The following FRMD8 variants were observed in gnomAD, a reference collection of about 807,000 sequenced individuals.
FRMD8 encodes the protein FERM domain containing 8, also known as FERM domain-containing protein 8.
Under a neutral mutation model 54.2 loss-of-function variants are expected in FRMD8, and 37 were observed. The observed-to-expected ratio is 0.68, with a 90% CI of 0.53 to 0.90. The LOEUF (loss-of-function observed/expected upper bound fraction) is 0.90, where lower values mean the gene tolerates loss of function less well. Among genes scored for constraint, FRMD8 ranks in the 40% least tolerant of loss-of-function variants. The pLI, the probability that FRMD8 is intolerant of heterozygous loss-of-function variation, is 0.00. For synonymous variants in FRMD8, 246 were observed against 286.9 expected (o/e 0.86, Z 1.44); for missense variants, 585 against 653.7 (o/e 0.89, Z 1.15).
At chr11:65,379,059 T>G in the FRMD8 span, 1 of 348,678 alleles carries the variant, frequency 2.9e-6, no homozygotes, top group Non-Finnish European at 5.3e-6. Context: ...CCTTGGGGAG[T>G]GGGCTCCCCA....
At chr11:65,397,906 C>T (rs1456079738) in intron 7 of FRMD8, among the ~76,000 whole-genome samples, 3 of 142,158 alleles carry the variant, frequency 2.1e-5, no homozygotes, top group Admixed American at 7.3e-5. Flanking sequence ...GATGGAGTAT[C>T]GCTCTTGTTG....
intron 10 of FRMD8, among the ~76,000 whole-genome samples, chr11:65,405,269 A>C (rs562312228): frequency 6.6e-6 from 1 of 152,358 alleles, no homozygotes; most frequent in South Asian, 2.1e-4. Flanking sequence ...GCTGCGTCAC[A>C]GACGTTCTGC....
chr11:65,386,114 T>C (rs1855725935), upstream of FRMD8, among the ~76,000 whole-genome samples: 1 of 152,174 alleles, frequency 6.6e-6, no homozygotes, highest in Admixed American at 6.5e-5. Context: ...CATATATTAA[T>C]AATCATTTAG....
chr11:65,377,373 T>G, the FRMD8 span: 3 of 1,249,644 alleles, frequency 2.4e-6, no homozygotes, highest in Non-Finnish European at 2.0e-6. Context: ...TGGATTCTTT[T>G]TGCAGGAGCA....
chr11:65,393,434 G>A (rs1855880787), intron 3 of FRMD8, 139 bp from the exon 4 acceptor site: 1 of 636,796 alleles, frequency 1.6e-6, no homozygotes, highest in Non-Finnish European at 2.8e-6. Context: ...TTATTGCAGA[G>A]TAAATGGCTC....
chr11:65,402,039 G>T (rs1317311892), intron 9 of FRMD8, among the ~76,000 whole-genome samples: 1 of 151,944 alleles, frequency 6.6e-6, no homozygotes, highest in Non-Finnish European at 1.5e-5. Flanking sequence ...AATTGTTTCG[G>T]TGTCGTTTGT....
chr11:65,384,347 G>C (rs1428392518), upstream of FRMD8, among the ~76,000 whole-genome samples: 1 of 151,920 alleles, frequency 6.6e-6, no homozygotes, highest in African/African-American at 2.4e-5. Context: ...CCCACTACCT[G>C]GAATGCCTTT....
At chr11:65,380,748 G>A in the FRMD8 span, 7 of 427,310 alleles carry the variant, frequency 1.6e-5, no homozygotes, top group Middle Eastern at 7.5e-4. Context: ...GGGGGAGGTC[G>A]CACCCCCAGG....
the FRMD8 span, among the ~76,000 whole-genome samples, chr11:65,370,780 C>T: frequency 6.6e-6 from 1 of 151,222 alleles, no homozygotes; most frequent in African/African-American, 2.4e-5. Flanking sequence ...AAGAGGGAGT[C>T]GAGGCCAGAT....
At chr11:65,405,123 C>G in intron 10 of FRMD8, 55 bp downstream of exon 10, 2 of 1,540,674 alleles carry the variant, frequency 1.3e-6, no homozygotes, top group South Asian at 1.1e-5. Flanking sequence ...CGTGCACACA[C>G]CGGGGGGAGT....
chr11:65,396,971 AC>A lies in FRMD8; in HGVS notation c.757del (p.His253ThrfsTer108). 1 of 1,502,822 alleles carries A rather than the reference AC, an allele frequency of 6.7e-7. No individual in the cohort carries two copies. The highest frequency in any genetic ancestry group is 8.9e-7 in the Non-Finnish European group (1 of 1,122,484). 93.1% of individuals were successfully genotyped at this position (1,502,822 alleles called of 1,614,324 possible). A position where few individuals can be genotyped will look rare whatever the true frequency, so the allele number is the denominator to read the frequency against. ...SDGGCEAALG[T>X]HYRAYLLKCH... ...CGGCGGGTGCGAGGCCGCCCTGGGCACCCACTACCGCGCCTATCTCCTCAAG... is the reference window on the plus strand; with the variant it reads ...CGGCGGGTGCGAGGCCGCCCTGGGCACCACTACCGCGCCTATCTCCTCAAG... On this transcript the variant is annotated frameshift_variant, in exon 7 of 11. Coordinates refer to ENST00000317568, the MANE Select transcript of FRMD8 (RefSeq NM_031904.5). LOFTEE classifies it high-confidence loss of function.
the FRMD8 span, among the ~76,000 whole-genome samples, chr11:65,372,931 G>A: frequency 7.2e-5 from 11 of 152,272 alleles, 1 homozygote; most frequent in African/African-American, 2.6e-4. Flanking sequence ...TGCTGGATGG[G>A]CTCAGAGATG....
In FRMD8 at chr11:65,400,873, G is replaced by A. The variant is rs1179567142; in HGVS notation, c.1071+6G>A. 9 of 1,596,206 alleles carry A rather than the reference G, an allele frequency of 5.6e-6. No individual in the cohort carries two copies. Among genetic ancestry groups the A allele is most frequent in the South Asian group, 1.1e-5 (1 of 88,092 alleles). ...TCAAGATCTACTCCAAGCAGGTAGC[G>A]CGGGTGGTGCCTGCACACGGGTGGG... On this transcript the variant is annotated splice_donor_region_variant and intron_variant, in intron 9 of 10. Transcript: ENST00000317568. The surrounding 1 kb of genome is among the most constrained non-coding windows in gnomAD (Gnocchi z 4.3).
chr11:65,401,578 G>A (rs1316807336), intron 9 of FRMD8, among the ~76,000 whole-genome samples: 1 of 147,436 alleles, frequency 6.8e-6, no homozygotes, highest in South Asian at 2.2e-4. Context: ...CCACCCCTGC[G>A]CCTCCCATGC....
chr11:65,375,020 G>A, the FRMD8 span, among the ~76,000 whole-genome samples: 1 of 119,564 alleles, frequency 8.4e-6, no homozygotes, highest in African/African-American at 3.0e-5. Flanking sequence ...CATTGGCTGG[G>A]AGTGGGCAAA....
chr11:65,390,353 C>T (rs755085726), intron 3 of FRMD8, among the ~76,000 whole-genome samples: 2 of 152,048 alleles, frequency 1.3e-5, no homozygotes, highest in Admixed American at 6.6e-5. Context: ...TGCCATAGGC[C>T]GGGCGAGTTT....
At position 65,389,396 on chromosome 11, in the gene FRMD8, G is replaced by C; in HGVS notation, c.121G>C (p.Val41Leu). The change falls in exon 3 of 11, where the codon GTG (valine) becomes CTG (leucine). Residue 41 changes from valine (V) to leucine (L), a missense_variant. By Grantham distance (32) the Val-to-Leu change is conservative. Coordinates refer to ENST00000317568, the MANE Select transcript of FRMD8 (RefSeq NM_031904.5). ...DVLVYLADDT[V>L]VPLAVENLPS... Reference sequence around the variant, plus strand: ...GCTGGTATACCTAGCGGATGACACGGTGGTGCCCCTGGCTGTGGAGAACCT... The same window carrying C: ...GCTGGTATACCTAGCGGATGACACGCTGGTGCCCCTGGCTGTGGAGAACCT... 6.2e-7 allele frequency: 1 copy of C among 1,610,782 alleles called. No individual in the cohort carries two copies. The highest frequency in any genetic ancestry group is 1.1e-5 in the South Asian group (1 of 91,090).
In FRMD8 at chr11:65,404,771, C is replaced by T. The variant is rs566482827; in HGVS notation, c.1072-93C>T. The stretch of plus-strand genomic sequence containing the variant: ...TGAGTGATGTGTGTCCCCTCCCCTG[C>T]TTCCCCAACCAGAGAGCAGAGCTCA... On this transcript the variant is annotated intron_variant, in intron 9 of 10. Transcript: ENST00000317568. This position sits in a 1 kb window ranked among gnomAD's most constrained non-coding sequence, Gnocchi z 4.7. 4 of 1,103,928 alleles carry T rather than the reference C, an allele frequency of 3.6e-6. No individual in the cohort carries two copies. In the South Asian group the frequency reaches 4.4e-5, roughly 12 times the overall value. 68.4% of individuals were successfully genotyped at this position (1,103,928 alleles called of 1,614,324 possible). A position where few individuals can be genotyped will look rare whatever the true frequency, so the allele number is the denominator to read the frequency against.
the FRMD8 span, chr11:65,379,113 G>A: frequency 3.6e-5 from 17 of 476,002 alleles, no homozygotes; most frequent in Admixed American, 3.8e-5. Flanking sequence ...GGCAAGCCCC[G>A]TCAGCTGGAG....
Sources: gnomAD v4.1 joint callset for allele counts (sites outside exome capture counted in the v4.1 genomes callset) on GRCh38, gnomAD v4.1.1 for gene constraint, Gnocchi (gnomAD v3.1) non-coding constraint, MANE v1.5 for transcripts, NCBI Gene and HGNC (gene_info 2026-07-23, HGNC 2026-07-21) for gene names.